The following GRIA3 variants were observed in gnomAD, a reference collection of about 807,000 sequenced individuals.
The protein encoded by GRIA3 is glutamate ionotropic receptor AMPA type subunit 3, also known as glutamate receptor 3.
In GRIA3, 3 loss-of-function variants were observed where a neutral mutation model predicts 63.0. The observed-to-expected ratio is 0.05, with a 90% CI of 0.02 to 0.12. The LOEUF is 0.12. Ranked by LOEUF, GRIA3 falls within the 10% of genes least tolerant of loss-of-function variation. The pLI, the probability that GRIA3 is intolerant of heterozygous loss-of-function variation, is 1.00. For missense variants in GRIA3, 347 were observed against 700.9 expected (o/e 0.50, Z 5.70); for synonymous variants, 274 against 257.9 (o/e 1.06, Z -0.60).
intron 11 of GRIA3, among the ~76,000 whole-genome samples, chrX:123,419,847 A>G (rs921023804): frequency 9.0e-6 from 1 of 111,452 alleles, no homozygotes; most frequent in Non-Finnish European, 1.9e-5. Context: ...GGAACTTTTT[A>G]GGGTGATAAA....
Position 123,452,483 on chromosome X carries a change from G to A in GRIA3, c.2077-12382G>A, listed in dbSNP as rs768426062. Among the ~76,000 whole-genome samples the A allele has an allele frequency of 1.1e-4, 12 of 110,833 alleles. No individual in the cohort carries two copies. In the South Asian group the frequency reaches 4.7e-3, roughly 43 times the overall value. The stretch of plus-strand genomic sequence containing the variant: ...TAAGAAAATAATTCTCCAGGGACCT[G>A]GAAGTAACAGCCACAGTGGAAACAA... On this transcript the variant is annotated intron_variant, in intron 12 of 15. Coordinates refer to ENST00000620443, the MANE Select transcript of GRIA3 (RefSeq NM_007325.5).
intron 4 of GRIA3, among the ~76,000 whole-genome samples, chrX:123,351,749 T>C (rs2045095813): frequency 8.9e-6 from 1 of 111,936 alleles, no homozygotes; most frequent in African/African-American, 3.2e-5. Flanking sequence ...AAACCAAGAT[T>C]GGTAAGAACT....
intron 10 of GRIA3, among the ~76,000 whole-genome samples, chrX:123,408,013 G>A (rs2045485394): frequency 9.0e-6 from 1 of 110,874 alleles, no homozygotes; most frequent in African/African-American, 3.3e-5. Context: ...CCAGGCTAGA[G>A]TGCAGTGGCA....
At chrX:123,242,801 G>A (rs1199989358) in intron 2 of GRIA3, among the ~76,000 whole-genome samples, 1 of 112,612 alleles carries the variant, frequency 8.9e-6, no homozygotes, top group Non-Finnish European at 1.9e-5. Flanking sequence ...TGAAGCCCAG[G>A]GAAGTGACCG....
intron 4 of GRIA3, among the ~76,000 whole-genome samples, chrX:123,347,054 A>G (rs972175269): frequency 8.9e-6 from 1 of 112,038 alleles, no homozygotes; most frequent in Non-Finnish European, 1.9e-5. Flanking sequence ...CAATGGTTTA[A>G]TAACTGGCTC....
In GRIA3 at chrX:123,185,506, GGA is replaced by G. The variant is rs369593038; in HGVS notation, c.110-324_110-323del. On this transcript the variant is annotated intron_variant, in intron 1 of 15. Coordinates refer to ENST00000620443, the MANE Select transcript of GRIA3 (RefSeq NM_007325.5). ...CCAGCTGTGCGGATGGGCGGGGGGC[GGA>G]GGGGGGGGGCGACTAAAAAAAAAGA... Among the ~76,000 whole-genome samples the G allele has an allele frequency of 8.9e-4, 76 of 85,013 alleles. 1 individual carries two copies. The highest frequency in any genetic ancestry group is 3.6e-3 in the African/African-American group (71 of 19,586). The allele number at this position is 85,013 out of a possible 115,157, so 73.8% of individuals were successfully genotyped here. A position where few individuals can be genotyped will look rare whatever the true frequency, so the allele number is the denominator to read the frequency against.
intron 15 of GRIA3, among the ~76,000 whole-genome samples, chrX:123,487,973 G>A (rs2045950327): frequency 8.9e-6 from 1 of 112,147 alleles, no homozygotes; most frequent in African/African-American, 3.2e-5. Flanking sequence ...TTTCATTAGT[G>A]CAGAATGAAA....
intron 12 of GRIA3, among the ~76,000 whole-genome samples, chrX:123,454,662 C>A (rs184127485): frequency 1.8e-5 from 2 of 111,262 alleles, no homozygotes; most frequent in African/African-American, 6.5e-5. Context: ...AAGTTGTTGC[C>A]AAACGTCTCC....
At chrX:123,232,716 A>C (rs1170987499) in intron 2 of GRIA3, among the ~76,000 whole-genome samples, 2 of 111,687 alleles carry the variant, frequency 1.8e-5, no homozygotes, top group Non-Finnish European at 3.8e-5. Context: ...TACCCACAAA[A>C]ATTAGAAATT....
In GRIA3 at chrX:123,369,175, T is replaced by C. The variant is rs992145302; in HGVS notation, c.750+14212T>C. Reference sequence around the variant, plus strand: ...ATTTAATGTCTTAACAGAGGTTTTATGTGGATTCTTCCTCAATTTTCCAAA... The same window carrying C: ...ATTTAATGTCTTAACAGAGGTTTTACGTGGATTCTTCCTCAATTTTCCAAA... On this transcript the variant is annotated intron_variant, in intron 5 of 15. Transcript: ENST00000620443. Among the ~76,000 whole-genome samples, 4 of 112,178 alleles carry C rather than the reference T, an allele frequency of 3.6e-5. No individual in the cohort carries two copies. In the South Asian group the frequency reaches 1.5e-3, roughly 42 times the overall value.
chrX:123,477,105 GGACA>G (rs1569442620), intron 13 of GRIA3, among the ~76,000 whole-genome samples: 26 of 111,536 alleles, frequency 2.3e-4, no homozygotes, highest in Non-Finnish European at 9.4e-5. Context: ...TGGCAAGAGT[GGACA>G]GTGGCAGCCC....
At chrX:123,266,410 C>T (rs1331567815) in intron 3 of GRIA3, among the ~76,000 whole-genome samples, 1 of 111,502 alleles carries the variant, frequency 9.0e-6, no homozygotes, top group African/African-American at 3.3e-5. Context: ...AATGGCACTG[C>T]CCAGTTGCCC....
intron 4 of GRIA3, among the ~76,000 whole-genome samples, chrX:123,333,202 A>G (rs894797151): frequency 2.3e-4 from 26 of 112,120 alleles, no homozygotes; most frequent in Non-Finnish European, 3.8e-4. Flanking sequence ...TCAGAGGTCA[A>G]TCTGAGGTCA....
intron 3 of GRIA3, among the ~76,000 whole-genome samples, chrX:123,254,760 C>G (rs1400429680): frequency 1.8e-5 from 2 of 112,078 alleles, no homozygotes; most frequent in Non-Finnish European, 3.8e-5. Flanking sequence ...GACCAGAGGT[C>G]TAGTCCAAGC....
chrX:123,454,023 G>A, intron 12 of GRIA3, among the ~76,000 whole-genome samples: 1 of 111,748 alleles, frequency 8.9e-6, no homozygotes, highest in South Asian at 3.8e-4. Flanking sequence ...GGTTTAAAAG[G>A]TAGGGTTTTC....
intron 13 of GRIA3, among the ~76,000 whole-genome samples, chrX:123,473,126 A>T (rs2045871792): frequency 8.9e-6 from 1 of 112,217 alleles, no homozygotes; most frequent in Non-Finnish European, 1.9e-5. Flanking sequence ...CACGTTGTAC[A>T]GAAAGCCCAG....
Position 123,398,558 on chromosome X carries a change from A to G in GRIA3, c.913-78A>G, listed in dbSNP as rs568970282. On this transcript the variant is annotated intron_variant, in intron 6 of 15. Coordinates refer to ENST00000620443, the MANE Select transcript of GRIA3 (RefSeq NM_007325.5). ...TGCATAGAACAATAGGTAGAAATGAATGAAAATTATAAGAAACAAGGCAAA... is the reference window on the plus strand; with the variant it reads ...TGCATAGAACAATAGGTAGAAATGAGTGAAAATTATAAGAAACAAGGCAAA... 1.7e-5 allele frequency: 14 copies of G among 809,123 alleles called. No individual in the cohort carries two copies. In the South Asian group the frequency reaches 3.0e-4, roughly 18 times the overall value. The allele number at this position is 809,123 out of a possible 1,213,427, so 66.7% of individuals were successfully genotyped here.
At chrX:123,396,913 T>G (rs1603133096) in intron 6 of GRIA3, among the ~76,000 whole-genome samples, 1 of 112,150 alleles carries the variant, frequency 8.9e-6, no homozygotes, top group African/African-American at 3.2e-5. Context: ...AGAGAGAAAT[T>G]CATTTATTCA....
intron 3 of GRIA3, among the ~76,000 whole-genome samples, chrX:123,279,575 C>T (rs1374629514): frequency 9.0e-6 from 1 of 111,402 alleles, no homozygotes; most frequent in African/African-American, 3.3e-5. Context: ...TATGGAATTG[C>T]TTTGTTTCAA....
Sources: gnomAD v4.1 joint callset for allele counts (sites outside exome capture counted in the v4.1 genomes callset) on GRCh38, gnomAD v4.1.1 for gene constraint, MANE v1.5 for transcripts, NCBI Gene and HGNC (gene_info 2026-07-23, HGNC 2026-07-21) for gene names.